Variants in ERBIN observed in about 807,000 individuals in gnomAD.
ERBIN encodes the protein densin-180-like protein.
A neutral mutation model predicts 158.4 loss-of-function variants in ERBIN; 60 were observed. The observed-to-expected ratio is 0.38, with a 90% CI of 0.31 to 0.47. The LOEUF (loss-of-function observed/expected upper bound fraction) is 0.47. Among genes scored for constraint, ERBIN ranks in the 20% least tolerant of loss-of-function variants. ERBIN has a pLI of 0.99. For synonymous variants in ERBIN, 594 were observed against 557.2 expected, an observed-to-expected ratio of 1.07 and a Z score of -0.93; for missense variants, 1,610 against 1,648.0, an observed-to-expected ratio of 0.98 and a Z score of 0.40.
At chr5:65,941,031 TC>T (rs954357367) in intron 1 of ERBIN, among the ~76,000 whole-genome samples, 1 of 152,102 alleles carries the variant, frequency 6.6e-6, no homozygotes, top group African/African-American at 2.4e-5. Flanking sequence ...AACCCTGTGC[TC>T]TCTGAAACAT....
chr5:65,982,665 G>T (rs1343557004), intron 1 of ERBIN, among the ~76,000 whole-genome samples: 2 of 66,250 alleles, frequency 3.0e-5, no homozygotes, highest in Non-Finnish European at 7.3e-5. Flanking sequence ...CAATTACATA[G>T]GCCAAAATTA....
chr5:65,949,824 T>TA (rs1425177265), intron 1 of ERBIN, among the ~76,000 whole-genome samples: 6 of 152,196 alleles, frequency 3.9e-5, no homozygotes, highest in African/African-American at 1.4e-4. Context: ...TATTTAGTTT[T>TA]ATGTCTTTTA....
At chr5:66,064,582 T>C (rs1760798196) in intron 21 of ERBIN, among the ~76,000 whole-genome samples, 1 of 152,148 alleles carries the variant, frequency 6.6e-6, no homozygotes, top group Non-Finnish European at 1.5e-5. Flanking sequence ...GTTGACACAA[T>C]AAACAAAAGA....
intron 1 of ERBIN, among the ~76,000 whole-genome samples, chr5:65,981,582 C>G (rs1235716878): frequency 6.6e-6 from 1 of 151,940 alleles, no homozygotes; most frequent in Admixed American, 6.6e-5. Context: ...GGTACAGATT[C>G]TATAGCTGTT....
At chr5:65,997,906 CT>C (rs1442280796) in intron 4 of ERBIN, among the ~76,000 whole-genome samples, 4 of 151,446 alleles carry the variant, frequency 2.6e-5, no homozygotes, top group Non-Finnish European at 4.4e-5. Context: ...CTTTGGAAAG[CT>C]AATTAACCAG....
intron 21 of ERBIN, among the ~76,000 whole-genome samples, chr5:66,065,591 CTGTGTGTGTGTGTGTG>C (rs56164922): frequency 0.048 from 5,253 of 109,312 alleles, 190 homozygotes; most frequent in South Asian, 0.12. Flanking sequence ...TAATTTTGAC[CTGTGTGTGTGTGTGTG>C]TGTGTGTGTG....
intron 4 of ERBIN, among the ~76,000 whole-genome samples, chr5:65,999,676 A>T (rs989753715): frequency 6.6e-6 from 1 of 152,118 alleles, no homozygotes; most frequent in Non-Finnish European, 1.5e-5. Context: ...TTTCATGACA[A>T]TTTCCATTTT....
intron 1 of ERBIN, among the ~76,000 whole-genome samples, chr5:65,968,574 T>A (rs1428388928): frequency 6.6e-6 from 1 of 152,200 alleles, no homozygotes. Context: ...TTAATTAATT[T>A]ATTTGAGACG....
chr5:66,018,566 AT>A (rs1211384006), intron 7 of ERBIN, among the ~76,000 whole-genome samples: 1 of 9,548 alleles, frequency 1.0e-4, no homozygotes, highest in African/African-American at 2.8e-4. Context: ...TATAATATAT[AT>A]TATATTATAT....
chr5:65,979,718 A>G (rs1474648899), intron 1 of ERBIN, among the ~76,000 whole-genome samples: 1 of 152,262 alleles, frequency 6.6e-6, no homozygotes, highest in Non-Finnish European at 1.5e-5. Context: ...TTGATCAAAT[A>G]GCCTTAATAG....
Position 66,078,421 on chromosome 5 carries a change from A to G in ERBIN, c.4132-2A>G. ...TTCCTAAAAGCATTTTTCCTCTTCT[A>G]GGCTAATGGCTACAGTTTTATAAAT... On this transcript the variant is annotated splice_acceptor_variant, in intron 25 of 25. Coordinates refer to ENST00000284037, the MANE Select transcript of ERBIN (RefSeq NM_001253697.2). LOFTEE classifies it high-confidence loss of function. 1 of 1,562,576 alleles carries G rather than the reference A, an allele frequency of 6.4e-7. No individual in the cohort carries two copies. The highest frequency in any genetic ancestry group is 8.7e-7 in the Non-Finnish European group (1 of 1,153,942).
In ERBIN at chr5:66,054,388, C is replaced by T. The variant is rs1369982205; in HGVS notation, c.3070C>T (p.His1024Tyr). 6.2e-7 allele frequency: 1 copy of T among 1,614,162 alleles called. No homozygotes were observed. The highest frequency in any genetic ancestry group is 8.5e-7 in the Non-Finnish European group (1 of 1,180,022). Reference sequence around the variant, plus strand: ...CACAGAAAATCAAAGTTATGCTAAACATTCTGCCAATATGAATTTCTCTAA... The same window carrying T: ...CACAGAAAATCAAAGTTATGCTAAATATTCTGCCAATATGAATTTCTCTAA... Reference protein sequence around the residue: ...ESTENQSYAKHSANMNFSNHN... With the variant: ...ESTENQSYAKYSANMNFSNHN... The change falls in exon 21 of 26, where the codon CAT becomes TAT. Residue 1024 changes from histidine to tyrosine, a missense_variant. This residue lies in a region of ERBIN where 1,014 missense variants were observed against 936.1 expected (regional missense o/e 1.08). Transcript: ENST00000284037.
At chr5:66,029,518 A>T (rs1223977087) in intron 14 of ERBIN, among the ~76,000 whole-genome samples, 1 of 151,782 alleles carries the variant, frequency 6.6e-6, no homozygotes, top group East Asian at 1.9e-4. Context: ...ACCCGCAAGG[A>T]TTCTTCATAG....
chr5:65,931,971 A>T (rs2150838092), intron 1 of ERBIN, among the ~76,000 whole-genome samples: 1 of 151,804 alleles, frequency 6.6e-6, no homozygotes, highest in South Asian at 2.1e-4. Context: ...GGCATGCGCC[A>T]CCATGTCCAG....
At chr5:65,927,057 G>T (rs532202999) in intron 1 of ERBIN, among the ~76,000 whole-genome samples, 1 of 151,172 alleles carries the variant, frequency 6.6e-6, no homozygotes, top group Non-Finnish European at 1.5e-5. Flanking sequence ...GCGGTGGGAC[G>T]AAAAGTTTTT....
At chr5:66,008,809 A>C (rs1030621521) in intron 4 of ERBIN, among the ~76,000 whole-genome samples, 5 of 152,212 alleles carry the variant, frequency 3.3e-5, no homozygotes, top group African/African-American at 1.2e-4. Flanking sequence ...CCACCCAAAC[A>C]TGGAATGTTT....
Position 66,072,271 on chromosome 5 carries a change from C to T in ERBIN, c.3736C>T (p.Pro1246Ser). 6.5e-7 allele frequency: 1 copy of T among 1,550,166 alleles called. No homozygotes were observed. The highest frequency in any genetic ancestry group is 8.7e-7 in the Non-Finnish European group (1 of 1,146,832). Reference protein sequence around the residue: ...SSATLSHKDVPPDSLMKMPLS... With the variant: ...SSATLSHKDVSPDSLMKMPLS... ...AGCCACACTTAGTCACAAAGATGTTCCTCCAGACAGCTTGATGAAAGTGGG... is the reference window on the plus strand; with the variant it reads ...AGCCACACTTAGTCACAAAGATGTTTCTCCAGACAGCTTGATGAAAGTGGG... The change falls in exon 22 of 26, where the codon CCT becomes TCT. Residue 1246 changes from proline to serine, a missense_variant. Coordinates refer to ENST00000284037, the MANE Select transcript of ERBIN (RefSeq NM_001253697.2).
chr5:65,976,661 C>G (rs553652004), intron 1 of ERBIN, among the ~76,000 whole-genome samples: 5 of 151,210 alleles, frequency 3.3e-5, no homozygotes, highest in South Asian at 4.2e-4. Flanking sequence ...GAGGACCCTG[C>G]GGCCTTCCGC....
At position 66,038,395 on chromosome 5, in the gene ERBIN, A is replaced by T; in HGVS notation, c.1219A>T (p.Ile407Leu). Residue 407 changes from isoleucine to leucine, a missense_variant, in exon 15 of 26, where the codon ATA becomes TTA. Physicochemically the swap from Ile to Leu is conservative, Grantham distance 5. Transcript: ENST00000284037. The part of the protein sequence containing the change: ...WLSDNQSKPL[I>L]PLQKETDSET... ...TTTCCTTCTCTAGTCCAAACCCCTGATACCTCTTCAAAAAGAAACTGATTC... is the reference window on the plus strand; with the variant it reads ...TTTCCTTCTCTAGTCCAAACCCCTGTTACCTCTTCAAAAAGAAACTGATTC... 6.2e-7 allele frequency: 1 copy of T among 1,611,208 alleles called. No homozygotes were observed. The highest frequency in any genetic ancestry group is 1.7e-4 in the Middle Eastern group (1 of 6,052).
Sources: gnomAD v4.1 joint callset for allele counts (sites outside exome capture counted in the v4.1 genomes callset) on GRCh38, gnomAD v4.1.1 for gene constraint, gnomAD v4.1.1 regional missense constraint, MANE v1.5 for transcripts, NCBI Gene and HGNC (gene_info 2026-07-23, HGNC 2026-07-21) for gene names.